Variants in RALYL observed in about 807,000 individuals in gnomAD.
RALYL encodes RALY RNA binding protein like, also known as RNA-binding Raly-like protein.
A neutral mutation model predicts 35.1 loss-of-function variants in RALYL; 29 were observed. The observed-to-expected ratio is 0.83, with a 90% CI of 0.61 to 1.13. The LOEUF (loss-of-function observed/expected upper bound fraction) is 1.13. Among genes scored for constraint, RALYL ranks in the 50% most tolerant of loss-of-function variants. The probability of loss-of-function intolerance (pLI) is 0.00; values close to 1 mark genes in which losing one functional copy is unlikely to be tolerated. For synonymous variants in RALYL, 120 were observed against 127.6 expected (o/e 0.94, Z 0.40); for missense variants, 359 against 360.4 (o/e 1.00, Z 0.03).
intron 2 of RALYL, among the ~76,000 whole-genome samples, chr8:84,629,695 T>C (rs930044785): frequency 1.3e-5 from 2 of 152,034 alleles, no homozygotes; most frequent in African/African-American, 4.8e-5. Flanking sequence ...TGTGTGTGTG[T>C]ATATACACAC....
chr8:84,306,045 T>C (rs772388058), intron 1 of RALYL, among the ~76,000 whole-genome samples: 62 of 151,966 alleles, frequency 4.1e-4, no homozygotes, highest in Non-Finnish European at 8.1e-4. Flanking sequence ...GCACCTGTAG[T>C]CCTAGCTATT....
intron 2 of RALYL, among the ~76,000 whole-genome samples, chr8:84,659,400 C>G (rs558236284): frequency 6.6e-6 from 1 of 152,196 alleles, no homozygotes; most frequent in African/African-American, 2.4e-5. Context: ...CATTGTACCC[C>G]TCCCTGGATC....
intron 7 of RALYL, among the ~76,000 whole-genome samples, chr8:84,875,119 T>C (rs1349522967): frequency 6.6e-6 from 1 of 151,950 alleles, no homozygotes; most frequent in Admixed American, 6.5e-5. Context: ...TTTTAGAAAG[T>C]TTTTAACATG....
At chr8:84,519,428 G>A (rs2058297476) in intron 1 of RALYL, among the ~76,000 whole-genome samples, 1 of 152,140 alleles carries the variant, frequency 6.6e-6, no homozygotes, top group Non-Finnish European at 1.5e-5. Flanking sequence ...CAGTAAATAA[G>A]TCCCTCATTG....
At chr8:84,218,443 T>C (rs1004307446) in intron 1 of RALYL, among the ~76,000 whole-genome samples, 1 of 152,046 alleles carries the variant, frequency 6.6e-6, no homozygotes, top group Non-Finnish European at 1.5e-5. Context: ...ATGCCTTCAA[T>C]TGCAAAATAT....
At chr8:84,632,079 C>T (rs1443215287) in intron 2 of RALYL, among the ~76,000 whole-genome samples, 2 of 151,552 alleles carry the variant, frequency 1.3e-5, no homozygotes, top group Non-Finnish European at 2.9e-5. Flanking sequence ...GGCTGGAGGC[C>T]TATTGAAAGG....
chr8:84,191,094 A>G (rs1813739197), intron 1 of RALYL, among the ~76,000 whole-genome samples: 2 of 151,852 alleles, frequency 1.3e-5, no homozygotes, highest in Non-Finnish European at 2.9e-5. Context: ...AAACTAAATG[A>G]ATGTGATTGA....
intron 1 of RALYL, among the ~76,000 whole-genome samples, chr8:84,311,888 A>G (rs566268234): frequency 6.6e-6 from 1 of 152,356 alleles, no homozygotes; most frequent in East Asian, 1.9e-4. Flanking sequence ...GAATTTAGTA[A>G]AAGAGTGATA....
intron 1 of RALYL, among the ~76,000 whole-genome samples, chr8:84,273,193 C>T (rs1273838547): frequency 1.3e-5 from 2 of 152,212 alleles, no homozygotes; most frequent in African/African-American, 2.4e-5. Context: ...ATCAGACATC[C>T]AGAGTCTAAG....
chr8:84,619,802 C>G (rs930765036), intron 2 of RALYL, among the ~76,000 whole-genome samples: 1 of 151,730 alleles, frequency 6.6e-6, no homozygotes, highest in African/African-American at 2.4e-5. Flanking sequence ...GTGACAAAAT[C>G]TCTCAGCATT....
intron 2 of RALYL, among the ~76,000 whole-genome samples, chr8:84,737,673 C>T (rs928515514): frequency 3.9e-5 from 6 of 152,002 alleles, no homozygotes; most frequent in East Asian, 1.9e-4. Flanking sequence ...TTTTATATGG[C>T]GAAACCTCAT....
At chr8:84,355,581 AATTTGT>A (rs1563780671) in intron 1 of RALYL, among the ~76,000 whole-genome samples, 6 of 150,484 alleles carry the variant, frequency 4.0e-5, no homozygotes, top group Admixed American at 2.0e-4. Flanking sequence ...AATATGGTCA[AATTTGT>A]ATTTTAAAAT....
chr8:84,749,369 C>T (rs1809403058), intron 2 of RALYL, among the ~76,000 whole-genome samples: 1 of 152,102 alleles, frequency 6.6e-6, no homozygotes, highest in South Asian at 2.1e-4. Context: ...GCCTTAAATG[C>T]AATTCTGCAC....
chr8:84,424,880 A>T (rs2046164563), intron 1 of RALYL, among the ~76,000 whole-genome samples: 1 of 151,602 alleles, frequency 6.6e-6, no homozygotes, highest in Non-Finnish European at 1.5e-5. Flanking sequence ...GGGGTCAGGG[A>T]CCCACTTGAG....
At chr8:84,544,962 A>T (rs1216697505) in intron 2 of RALYL, among the ~76,000 whole-genome samples, 2 of 152,052 alleles carry the variant, frequency 1.3e-5, no homozygotes, top group African/African-American at 4.8e-5. Context: ...ACATTAAGAA[A>T]ATAATTAAAT....
chr8:84,786,231 A>T (rs1293733841), intron 3 of RALYL, among the ~76,000 whole-genome samples: 1 of 152,158 alleles, frequency 6.6e-6, no homozygotes, highest in Non-Finnish European at 1.5e-5. Context: ...TCTATCATTA[A>T]TGGGCATTTG....
At chr8:84,424,005 G>C (rs1001119134) in intron 1 of RALYL, among the ~76,000 whole-genome samples, 26 of 151,640 alleles carry the variant, frequency 1.7e-4, no homozygotes, top group Non-Finnish European at 8.8e-5. Flanking sequence ...TTTCAACTTT[G>C]GTGAATCTGA....
intron 1 of RALYL, among the ~76,000 whole-genome samples, chr8:84,270,848 G>A (rs909339989): frequency 1.3e-5 from 2 of 152,006 alleles, no homozygotes; most frequent in South Asian, 2.1e-4. Context: ...TGAACTTAGT[G>A]GTAGATTAAG....
chr8:84,272,200 C>A (rs1834438482), intron 1 of RALYL, among the ~76,000 whole-genome samples: 1 of 152,120 alleles, frequency 6.6e-6, no homozygotes, highest in Non-Finnish European at 1.5e-5. Context: ...TCAAGCGATT[C>A]TCCTGCCTCA....
Sources: gnomAD v4.1 joint callset for allele counts (sites outside exome capture counted in the v4.1 genomes callset) on GRCh38, gnomAD v4.1.1 for gene constraint, MANE v1.5 for transcripts, NCBI Gene and HGNC (gene_info 2026-07-23, HGNC 2026-07-21) for gene names.